PDE11A: variants seen among roughly 807,000 people sequenced by gnomAD.
The protein encoded by PDE11A is phosphodiesterase 11A, also known as dual 3',5'-cyclic-AMP and -GMP phosphodiesterase 11A.
In PDE11A, 100 loss-of-function variants were observed where a neutral mutation model predicts 100.5. The ratio of observed to expected loss-of-function variants is 1.00; its 90% CI spans 0.85 to 1.18. The LOEUF is 1.18. Among genes scored for constraint, PDE11A ranks in the 50% most tolerant of loss-of-function variants. The pLI, the probability that PDE11A is intolerant of heterozygous loss-of-function variation, is 0.00. For missense variants in PDE11A, 1,141 were observed against 1,152.6 expected (o/e 0.99, Z 0.15); for synonymous variants, 381 against 420.8 (o/e 0.91, Z 1.16).
chr2:177,794,065 A>G (rs1269705063), intron 9 of PDE11A, among the ~76,000 whole-genome samples: 2 of 152,136 alleles, frequency 1.3e-5, no homozygotes, highest in African/African-American at 4.8e-5. Context: ...TCTAGAGTGG[A>G]GAGAGTGGAG....
At chr2:177,711,704 T>G in intron 13 of PDE11A, 65 bp downstream of exon 13, 1 of 902,564 alleles carries the variant, frequency 1.1e-6, no homozygotes, top group South Asian at 1.4e-5. Context: ...TCTTTAGCAT[T>G]CGTCACCTTT....
intron 17 of PDE11A, among the ~76,000 whole-genome samples, chr2:177,674,302 G>C (rs1249346264): frequency 6.6e-6 from 1 of 152,178 alleles, no homozygotes; most frequent in Non-Finnish European, 1.5e-5. Flanking sequence ...TGGCCAAAAC[G>C]ACAGGAGTGT....
At chr2:177,884,812 A>G (rs539554666) in intron 4 of PDE11A, among the ~76,000 whole-genome samples, 1 of 152,312 alleles carries the variant, frequency 6.6e-6, no homozygotes, top group East Asian at 1.9e-4. Context: ...ACAGTGAAGA[A>G]GGTGGTAGAA....
chr2:177,890,383 T>G (rs2084510813), intron 4 of PDE11A, among the ~76,000 whole-genome samples: 3 of 152,194 alleles, frequency 2.0e-5, no homozygotes, highest in Admixed American at 1.3e-4. Context: ...CCCAGGCACC[T>G]GCTCTTACTG....
At chr2:177,943,602 CA>C (rs2085370505) in intron 2 of PDE11A, among the ~76,000 whole-genome samples, 1 of 152,096 alleles carries the variant, frequency 6.6e-6, no homozygotes, top group Admixed American at 6.5e-5. Context: ...TTGGGTTTTG[CA>C]AATTCTTTAT....
At chr2:177,900,690 G>A (rs13027484) in intron 3 of PDE11A, among the ~76,000 whole-genome samples, 15,918 of 152,056 alleles carry the variant, frequency 0.1, 1,141 homozygotes, top group Non-Finnish European at 0.15. Context: ...CCTCGGAGGC[G>A]GAAGTTGCAG....
intron 1 of PDE11A, among the ~76,000 whole-genome samples, chr2:178,033,844 T>C: frequency 6.6e-6 from 1 of 152,016 alleles, no homozygotes; most frequent in East Asian, 1.9e-4. Context: ...GACAAGCAAA[T>C]GCTGAGGGAT....
chr2:177,641,898 T>C lies in PDE11A; in HGVS notation c.2647-12336A>G, dbSNP rs114723460. Among the ~76,000 whole-genome samples, 1,080 of 152,358 alleles carry C rather than the reference T, an allele frequency of 7.1e-3. 9 individuals carry two copies. Among genetic ancestry groups the C allele is most frequent in the African/African-American group, 0.024 (1,018 of 41,580 alleles). ...CACTGTGGTATATTTGTGCTTCATA[T>C]AGTTTATCTCATTAAATTCTCAAAA... On this transcript the variant is annotated intron_variant, in intron 19 of 19. Coordinates refer to ENST00000286063, the MANE Select transcript of PDE11A (RefSeq NM_016953.4).
In PDE11A at chr2:177,843,478, T is replaced by C. The variant is rs144677036; in HGVS notation, c.1368-3095A>G. 2.9e-3 allele frequency among the ~76,000 whole-genome samples: 447 copies of C among 152,276 alleles called. 5 individuals carry two copies. The highest frequency in any genetic ancestry group is 0.01 in the Middle Eastern group (3 of 294). Reference sequence around the variant, plus strand: ...AGGGAGGAAAAACCATTGGAGTTGATAATTAAGAGCTTTAGGTCCCTACTT... The same window carrying C: ...AGGGAGGAAAAACCATTGGAGTTGACAATTAAGAGCTTTAGGTCCCTACTT... On this transcript the variant is annotated intron_variant, in intron 5 of 19. Transcript: ENST00000286063.
intron 9 of PDE11A, among the ~76,000 whole-genome samples, chr2:177,771,017 A>C (rs1243801735): frequency 1.3e-5 from 2 of 152,166 alleles, no homozygotes; most frequent in African/African-American, 4.8e-5. Context: ...TTGTAGAGAC[A>C]GGTGTCTCAT....
At chr2:177,922,886 T>C in intron 2 of PDE11A, 2 of 888,994 alleles carry the variant, frequency 2.2e-6, no homozygotes, top group East Asian at 1.2e-4. Flanking sequence ...CTAAGTTGTA[T>C]ACCTCTGTCT....
chr2:178,105,824 C>G, intron 1 of PDE11A: 1 of 552,988 alleles, frequency 1.8e-6, no homozygotes, highest in Non-Finnish European at 2.6e-6. Flanking sequence ...GGACCTTGGC[C>G]AGATTTCTGC....
At chr2:177,778,786 G>A (rs1447940664) in intron 9 of PDE11A, among the ~76,000 whole-genome samples, 4 of 152,300 alleles carry the variant, frequency 2.6e-5, no homozygotes, top group African/African-American at 4.8e-5. Flanking sequence ...GAACAGACGC[G>A]TTGAAACTGA....
chr2:177,802,724 CTTT>C (rs923954322), intron 9 of PDE11A, among the ~76,000 whole-genome samples: 1 of 151,826 alleles, frequency 6.6e-6, no homozygotes, highest in Admixed American at 6.6e-5. Context: ...CAAAAGGGAA[CTTT>C]CTGGGGTGAT....
intron 19 of PDE11A, among the ~76,000 whole-genome samples, chr2:177,631,573 G>A (rs1341072212): frequency 3.0e-4 from 6 of 19,726 alleles, no homozygotes; most frequent in Non-Finnish European, 5.2e-4. Context: ...ATATATACAT[G>A]TATATATATA....
At chr2:177,711,005 C>T (rs546340562) in intron 13 of PDE11A, among the ~76,000 whole-genome samples, 3 of 152,342 alleles carry the variant, frequency 2.0e-5, no homozygotes, top group South Asian at 4.1e-4. Flanking sequence ...TGTTTGCAGG[C>T]AGACAGTGAA....
chr2:177,629,323 TAAA>T lies in PDE11A; in HGVS notation c.*81_*83del. On this transcript the variant is annotated 3_prime_UTR_variant, in exon 20 of 20. Coordinates refer to ENST00000286063, the MANE Select transcript of PDE11A (RefSeq NM_016953.4). ...CTTGAGATGTTAGGTCTTTCTGAGC[TAAA>T]AGAACAAAAGGATGACATTGCTGGA... 1 of 1,243,776 alleles carries T rather than the reference TAAA, an allele frequency of 8.0e-7. No individual in the cohort carries two copies. Among genetic ancestry groups the T allele is most frequent in the Non-Finnish European group, 1.2e-6 (1 of 843,268 alleles). 77.0% of individuals were successfully genotyped at this position (1,243,776 alleles called of 1,614,324 possible).
chr2:177,972,851 G>A (rs1336052061), intron 2 of PDE11A, among the ~76,000 whole-genome samples: 1 of 152,182 alleles, frequency 6.6e-6, no homozygotes, highest in Non-Finnish European at 1.5e-5. Context: ...TAGGGTAGAG[G>A]TTGGTAGGCA....
intron 1 of PDE11A, among the ~76,000 whole-genome samples, chr2:178,020,498 A>G (rs1176343713): frequency 1.3e-5 from 2 of 152,158 alleles, no homozygotes; most frequent in Non-Finnish European, 2.9e-5. Flanking sequence ...TGATAACTTA[A>G]AGAGAAAATG....
Sources: gnomAD v4.1 joint callset for allele counts (sites outside exome capture counted in the v4.1 genomes callset) on GRCh38, gnomAD v4.1.1 for gene constraint, MANE v1.5 for transcripts, NCBI Gene and HGNC (gene_info 2026-07-23, HGNC 2026-07-21) for gene names.